Variants in PPP3CA observed in about 807,000 individuals in gnomAD.
The protein encoded by PPP3CA is CAM-PRP catalytic subunit.
A neutral mutation model predicts 66.5 loss-of-function variants in PPP3CA; 14 were observed. The observed-to-expected ratio is 0.21, with a 90% CI of 0.14 to 0.33. The LOEUF is 0.33. PPP3CA is among the 10% of genes least tolerant of loss of function. The probability of loss-of-function intolerance (pLI) is 1.00; values close to 1 mark genes in which losing one functional copy is unlikely to be tolerated. For synonymous variants in PPP3CA, 232 were observed against 226.2 expected, an observed-to-expected ratio of 1.03 and a Z score of -0.23; for missense variants, 317 against 639.5, an observed-to-expected ratio of 0.50 and a Z score of 5.44.
intron 1 of PPP3CA, among the ~76,000 whole-genome samples, chr4:101,323,700 T>TA (rs1399046129): frequency 6.6e-6 from 1 of 152,198 alleles, no homozygotes; most frequent in African/African-American, 2.4e-5. Context: ...TATCAGCAAA[T>TA]ACTTATATAG....
At chr4:101,291,590 T>C (rs2110289419) in intron 1 of PPP3CA, among the ~76,000 whole-genome samples, 1 of 152,328 alleles carries the variant, frequency 6.6e-6, no homozygotes, top group African/African-American at 2.4e-5. Context: ...AACAAATGTT[T>C]AGCAGACACT....
At chr4:101,225,176 T>C (rs1014180212) in intron 1 of PPP3CA, among the ~76,000 whole-genome samples, 1 of 151,852 alleles carries the variant, frequency 6.6e-6, no homozygotes, top group African/African-American at 2.4e-5. Flanking sequence ...TTTTCCTTTC[T>C]AGCTTTACTT....
At chr4:101,049,039 T>G (rs1251589995) in intron 10 of PPP3CA, among the ~76,000 whole-genome samples, 1 of 152,130 alleles carries the variant, frequency 6.6e-6, no homozygotes, top group African/African-American at 2.4e-5. Context: ...CATAACCAAA[T>G]TCTTTGGATA....
At chr4:101,063,179 T>G (rs1306158839) in intron 9 of PPP3CA, 53 bp downstream of exon 9, 5 of 1,578,672 alleles carry the variant, frequency 3.2e-6, no homozygotes, top group Non-Finnish European at 4.3e-6. Flanking sequence ...TAATCTCCTT[T>G]CCTTCCTTCC....
intron 1 of PPP3CA, among the ~76,000 whole-genome samples, chr4:101,197,543 C>T (rs1412591228): frequency 6.6e-6 from 1 of 152,190 alleles, no homozygotes; most frequent in Admixed American, 6.5e-5. Flanking sequence ...AAATAACCTT[C>T]TTCGGCTCCA....
intron 8 of PPP3CA, among the ~76,000 whole-genome samples, chr4:101,078,297 C>G (rs1422971118): frequency 6.6e-6 from 1 of 152,150 alleles, no homozygotes; most frequent in East Asian, 1.9e-4. Context: ...GTCCTTCTCT[C>G]GTGCAAGATT....
chr4:101,038,081 T>C (rs928732627), intron 11 of PPP3CA, among the ~76,000 whole-genome samples: 1 of 152,176 alleles, frequency 6.6e-6, no homozygotes, highest in Admixed American at 6.5e-5. Flanking sequence ...TGTCGATGAT[T>C]GTCAAATGTG....
intron 1 of PPP3CA, among the ~76,000 whole-genome samples, chr4:101,299,977 A>G (rs1391686861): frequency 6.6e-6 from 1 of 152,162 alleles, no homozygotes; most frequent in Non-Finnish European, 1.5e-5. Flanking sequence ...GATCAAGATA[A>G]TAATCTCTTA....
At chr4:101,050,994 A>AG (rs1275303634) in intron 10 of PPP3CA, among the ~76,000 whole-genome samples, 1 of 152,154 alleles carries the variant, frequency 6.6e-6, no homozygotes, top group Non-Finnish European at 1.5e-5. Flanking sequence ...GCCAGGCTAA[A>AG]GGCTGGACCC....
At chr4:101,250,309 TCTTA>T (rs915551834) in intron 1 of PPP3CA, 2 of 455,638 alleles carry the variant, frequency 4.4e-6, no homozygotes, top group African/African-American at 4.0e-5. Context: ...AAGCTCTACT[TCTTA>T]CTGTTTTATA....
At chr4:101,086,356 G>GA (rs1428030142) in intron 6 of PPP3CA, among the ~76,000 whole-genome samples, 1 of 151,860 alleles carries the variant, frequency 6.6e-6, no homozygotes, top group Non-Finnish European at 1.5e-5. Context: ...AGGTAGAAAA[G>GA]AAAAAAATGT....
At chr4:101,190,796 G>C (rs1235911286) in intron 2 of PPP3CA, among the ~76,000 whole-genome samples, 1 of 152,090 alleles carries the variant, frequency 6.6e-6, no homozygotes, top group Non-Finnish European at 1.5e-5. Context: ...CTGCCTGCTT[G>C]TATTATAGAA....
intron 2 of PPP3CA, 107 bp from the exon 3 acceptor site, chr4:101,109,185 C>T (rs1018236830): frequency 8.7e-6 from 10 of 1,146,688 alleles, no homozygotes; most frequent in Non-Finnish European, 1.1e-5. Context: ...TTTATCTGAG[C>T]CAAAACATTC....
chr4:101,092,791 C>T (rs1471476611), intron 6 of PPP3CA, among the ~76,000 whole-genome samples: 1 of 152,092 alleles, frequency 6.6e-6, no homozygotes, highest in East Asian at 1.9e-4. Flanking sequence ...TGAACACATC[C>T]TTTTTTATGG....
chr4:101,127,369 C>A (rs999630175), intron 2 of PPP3CA, among the ~76,000 whole-genome samples: 3 of 152,052 alleles, frequency 2.0e-5, no homozygotes, highest in Non-Finnish European at 4.4e-5. Context: ...CAGATGTAAT[C>A]AGGTCACGCT....
At chr4:101,097,689 A>G (rs1036727098) in intron 5 of PPP3CA, among the ~76,000 whole-genome samples, 1 of 152,138 alleles carries the variant, frequency 6.6e-6, no homozygotes, top group African/African-American at 2.4e-5. Context: ...AAGATTGTCT[A>G]TCTATTGTAC....
intron 2 of PPP3CA, among the ~76,000 whole-genome samples, chr4:101,191,244 T>C (rs1248898893): frequency 1.3e-5 from 2 of 152,210 alleles, no homozygotes; most frequent in Non-Finnish European, 2.9e-5. Context: ...CTACAGGTGA[T>C]TCTGATCTAT....
At position 101,099,497 on chromosome 4, in the gene PPP3CA, T is replaced by C. The variant is rs111550110; in HGVS notation, c.496+114A>G. The C allele has an allele frequency of 5.8e-5, 29 of 496,056 alleles. 1 individual carries two copies. The highest frequency in any genetic ancestry group is 3.3e-4 in the African/African-American group (16 of 48,928). The allele number at this position is 496,056 out of a possible 1,614,324, so 30.7% of individuals were successfully genotyped here. A position where few individuals can be genotyped will look rare whatever the true frequency, so the allele number is the denominator to read the frequency against. ...AAATATAGGATAATATGAAAGAGTG[T>C]CACTTTAAGTCTTTGACTTTAGGCA... On this transcript the variant is annotated intron_variant, in intron 4 of 13. Coordinates refer to ENST00000394854, the MANE Select transcript of PPP3CA (RefSeq NM_000944.5).
intron 1 of PPP3CA, among the ~76,000 whole-genome samples, chr4:101,272,720 C>A (rs188687548): frequency 6.6e-6 from 1 of 152,172 alleles, no homozygotes; most frequent in Non-Finnish European, 1.5e-5. Context: ...GTACTTGAAA[C>A]GGTGCCTGGC....
Sources: allele counts gnomAD v4.1 joint callset (sites outside exome capture counted in the v4.1 genomes callset), GRCh38; gene constraint gnomAD v4.1.1; transcripts MANE v1.5; gene names NCBI Gene and HGNC (gene_info 2026-07-23, HGNC 2026-07-21).